ATP13A5: variants seen among roughly 807,000 people sequenced by gnomAD.
The protein encoded by ATP13A5 is ATPase 13A5, also known as probable cation-transporting ATPase 13A5.
Under a neutral mutation model 150.2 loss-of-function variants are expected in ATP13A5, and 149 were observed. The observed-to-expected ratio is 0.99, with a 90% CI of 0.87 to 1.14. ATP13A5 has a LOEUF of 1.14. Ranked by LOEUF, ATP13A5 falls within the 50% of genes most tolerant of loss-of-function variation. The probability of loss-of-function intolerance (pLI) is 0.00; values close to 1 mark genes in which losing one functional copy is unlikely to be tolerated. For synonymous variants in ATP13A5, 497 were observed against 522.2 expected (o/e 0.95, Z 0.66); for missense variants, 1,383 against 1,449.3 (o/e 0.95, Z 0.74).
At chr3:193,331,070 C>T in intron 12 of ATP13A5, 53 bp downstream of exon 12, 1 of 1,551,308 alleles carries the variant, frequency 6.4e-7, no homozygotes, top group Non-Finnish European at 8.8e-7. Flanking sequence ...TTCTTCCCAG[C>T]TCCACCATGC....
intron 17 of ATP13A5, among the ~76,000 whole-genome samples, 157 bp downstream of exon 17, chr3:193,318,834 C>A (rs1259382595): frequency 6.6e-6 from 1 of 152,202 alleles, no homozygotes; most frequent in Non-Finnish European, 1.5e-5. Flanking sequence ...TCCAGTATCA[C>A]CTACAATTAT....
At chr3:193,289,304 A>G (rs1387598039) in intron 26 of ATP13A5, among the ~76,000 whole-genome samples, 3 of 152,132 alleles carry the variant, frequency 2.0e-5, no homozygotes, top group East Asian at 1.9e-4. Context: ...GTCCAATTCA[A>G]TCAGAACAAG....
intron 2 of ATP13A5, 91 bp downstream of exon 2, chr3:193,364,016 G>A (rs1577373459): frequency 7.4e-7 from 1 of 1,355,840 alleles, no homozygotes; most frequent in Non-Finnish European, 1.0e-6. Flanking sequence ...TCTACCTTCT[G>A]AAATATAATA....
intron 7 of ATP13A5, among the ~76,000 whole-genome samples, chr3:193,349,893 G>A (rs7620125): frequency 0.071 from 10,759 of 152,048 alleles, 523 homozygotes; most frequent in East Asian, 0.19. Flanking sequence ...CTGGCTTTTG[G>A]TTGCTATGCT....
chr3:193,325,388 T>G (rs545764716), intron 13 of ATP13A5, among the ~76,000 whole-genome samples: 77 of 152,350 alleles, frequency 5.1e-4, no homozygotes, highest in Non-Finnish European at 2.8e-4. Context: ...TATAAACATT[T>G]CTTTGAGTTG....
chr3:193,324,545 G>A (rs1246058606), intron 14 of ATP13A5, among the ~76,000 whole-genome samples: 1 of 152,140 alleles, frequency 6.6e-6, no homozygotes, highest in Non-Finnish European at 1.5e-5. Context: ...GATAGGTTCG[G>A]TAAATGCTGC....
rs1326579887 is a variant in ATP13A5, at chr3:193,283,624, C to A, written c.3226+1290G>T. 2.6e-5 allele frequency among the ~76,000 whole-genome samples: 4 copies of A among 152,040 alleles called. No individual in the cohort carries two copies. In the South Asian group the frequency reaches 8.3e-4, roughly 32 times the overall value. ...GTTGGATATAATATTAAGAAGCACA[C>A]CCTCTCCAAAACAACTGATAGAAGT... On this transcript the variant is annotated intron_variant, in intron 27 of 29. Coordinates refer to ENST00000342358, the MANE Select transcript of ATP13A5 (RefSeq NM_198505.4).
At chr3:193,369,990 A>G (rs1158630608) in intron 1 of ATP13A5, among the ~76,000 whole-genome samples, 1 of 152,208 alleles carries the variant, frequency 6.6e-6, no homozygotes, top group African/African-American at 2.4e-5. Flanking sequence ...CAAGACCGGT[A>G]ATAGAAACAG....
At chr3:193,278,446 A>G (rs1717325744) in intron 28 of ATP13A5, among the ~76,000 whole-genome samples, 2 of 152,104 alleles carry the variant, frequency 1.3e-5, no homozygotes, top group Non-Finnish European at 2.9e-5. Context: ...TTCATACTCC[A>G]CAGCACATGG....
intron 5 of ATP13A5, among the ~76,000 whole-genome samples, chr3:193,354,748 A>G (rs1712711930): frequency 1.3e-5 from 2 of 152,136 alleles, no homozygotes; most frequent in South Asian, 4.1e-4. Context: ...GGTGTAATAC[A>G]TATGTGCATT....
intron 23 of ATP13A5, 67 bp from the exon 24 acceptor site, chr3:193,301,374 C>T (rs1167438437): frequency 8.3e-7 from 1 of 1,202,636 alleles, no homozygotes; most frequent in Non-Finnish European, 1.2e-6. Context: ...TTCTTTTATA[C>T]TTAAAACGAG....
intron 26 of ATP13A5, among the ~76,000 whole-genome samples, chr3:193,286,619 T>A (rs1383265080): frequency 1.3e-5 from 2 of 152,194 alleles, no homozygotes; most frequent in African/African-American, 4.8e-5. Flanking sequence ...ATAAATATTG[T>A]CTGTGTCTGA....
At chr3:193,352,783 T>C (rs559420816) in intron 6 of ATP13A5, among the ~76,000 whole-genome samples, 1 of 152,196 alleles carries the variant, frequency 6.6e-6, no homozygotes, top group Non-Finnish European at 1.5e-5. Flanking sequence ...CACAGAATAA[T>C]GGTAAATAAT....
At chr3:193,304,509 T>G (rs369463566) in intron 23 of ATP13A5, among the ~76,000 whole-genome samples, 29 of 152,210 alleles carry the variant, frequency 1.9e-4, no homozygotes, top group African/African-American at 6.8e-4. Flanking sequence ...GTCTTTTTTG[T>G]ATGAATCTCA....
intron 26 of ATP13A5, 144 bp downstream of exon 26, chr3:193,289,741 T>G: frequency 1.4e-6 from 1 of 695,518 alleles, no homozygotes; most frequent in Admixed American, 3.4e-5. Context: ...GGATTAACTG[T>G]GTTCTGTCCC....
At chr3:193,294,023 T>C (rs1435685644) in intron 25 of ATP13A5, among the ~76,000 whole-genome samples, 1 of 152,090 alleles carries the variant, frequency 6.6e-6, no homozygotes, top group Admixed American at 6.6e-5. Flanking sequence ...GTCAGGTCGA[T>C]AAATTTTCTC....
At chr3:193,321,873 T>C (rs1719294414) in intron 15 of ATP13A5, 36 bp from the exon 16 acceptor site, 4 of 1,603,310 alleles carry the variant, frequency 2.5e-6, no homozygotes, top group Non-Finnish European at 3.4e-6. Context: ...CTTAACAAGC[T>C]GCTAAGTGAT....
chr3:193,297,858 C>G (rs559058415), intron 25 of ATP13A5, among the ~76,000 whole-genome samples: 1 of 152,190 alleles, frequency 6.6e-6, no homozygotes, highest in African/African-American at 2.4e-5. Context: ...TATAGTAAGT[C>G]GGAGGCAAGA....
chr3:193,344,057 T>C lies in ATP13A5; in HGVS notation c.815-2A>G, dbSNP rs545373051. On this transcript the variant is annotated splice_acceptor_variant, in intron 8 of 29. Transcript: ENST00000342358. LOFTEE classifies it high-confidence loss of function. ...GACGGGATTCCAGCTCCTCCAAACC[T>C]ACACCAAAGCAAAGTTTCCATGAAT... The C allele has an allele frequency of 1.3e-5, 21 of 1,611,432 alleles. No homozygotes were observed. In the South Asian group the frequency reaches 2.3e-4, roughly 18 times the overall value.
Sources: gnomAD v4.1 joint callset for allele counts (sites outside exome capture counted in the v4.1 genomes callset) on GRCh38, gnomAD v4.1.1 for gene constraint, MANE v1.5 for transcripts, NCBI Gene and HGNC (gene_info 2026-07-23, HGNC 2026-07-21) for gene names.